The following DIAPH2 variants were observed in gnomAD, a reference collection of about 807,000 sequenced individuals.
The protein encoded by DIAPH2 is diaphanous related formin 2.
In DIAPH2, 35 loss-of-function variants were observed where a neutral mutation model predicts 92.7. The observed-to-expected ratio is 0.38, with a 90% CI of 0.29 to 0.50. The LOEUF (loss-of-function observed/expected upper bound fraction) is 0.50. Ranked by LOEUF, DIAPH2 falls within the 20% of genes least tolerant of loss-of-function variation. The pLI is 0.94. For synonymous variants in DIAPH2, 301 were observed against 280.4 expected (o/e 1.07, Z -0.73); for missense variants, 701 against 819.5 (o/e 0.86, Z 1.77).
chrX:96,935,100 A>T (rs1009394509), intron 10 of DIAPH2, among the ~76,000 whole-genome samples: 2 of 111,781 alleles, frequency 1.8e-5, no homozygotes, highest in African/African-American at 6.5e-5. Flanking sequence ...ATGTCTTTTT[A>T]AAAAATAACA....
intron 23 of DIAPH2, among the ~76,000 whole-genome samples, chrX:97,279,296 AT>A (rs1355598443): frequency 3.8e-5 from 4 of 105,397 alleles, no homozygotes; most frequent in African/African-American, 6.9e-5. Context: ...AGTCACTGAA[AT>A]TTTTTTTTGA....
rs1336973442 is a variant in DIAPH2 at position 96,939,955 on chromosome X, GC to G, written c.1325+576del. 2.3e-5 allele frequency among the ~76,000 whole-genome samples: 2 copies of G among 87,232 alleles called. 1 individual carries two copies. Among genetic ancestry groups the G allele is most frequent in the Non-Finnish European group, 4.3e-5 (2 of 47,042 alleles). The allele number at this position is 87,232 out of a possible 115,157, so 75.8% of individuals were successfully genotyped here. On this transcript the variant is annotated intron_variant, in intron 12 of 26. Coordinates refer to ENST00000324765, the MANE Select transcript of DIAPH2 (RefSeq NM_006729.5). ...TGGGATTACAGGCGTGAGCCACCGC[GC>G]CCGGCCCAGGTAACATTTTTTAAAA...
intron 26 of DIAPH2, among the ~76,000 whole-genome samples, chrX:97,589,336 AAAG>A (rs1488194603): frequency 2.7e-4 from 28 of 104,337 alleles, no homozygotes; most frequent in Non-Finnish European, 5.3e-4. Flanking sequence ...AAAAAAAAAA[AAAG>A]AGTCATCCCA....
chrX:96,944,114 A>G (rs2065723360), intron 13 of DIAPH2, among the ~76,000 whole-genome samples: 2 of 112,229 alleles, frequency 1.8e-5, no homozygotes, highest in Admixed American at 1.9e-4. Flanking sequence ...CTGTATTTCA[A>G]GATGACTTGG....
At chrX:97,578,327 C>A (rs1334733581) in intron 26 of DIAPH2, among the ~76,000 whole-genome samples, 4 of 107,246 alleles carry the variant, frequency 3.7e-5, no homozygotes, top group South Asian at 4.3e-4. Context: ...CCGCTCCCCC[C>A]ACCCCACAAC....
At chrX:96,853,952 T>C (rs991511717) in intron 4 of DIAPH2, among the ~76,000 whole-genome samples, 2 of 112,025 alleles carry the variant, frequency 1.8e-5, no homozygotes, top group African/African-American at 6.5e-5. Flanking sequence ...AAGATCTATA[T>C]ACTAGTTCTG....
chrX:96,831,500 CTG>C (rs918505170), intron 4 of DIAPH2, among the ~76,000 whole-genome samples: 1 of 111,892 alleles, frequency 8.9e-6, no homozygotes, highest in African/African-American at 3.3e-5. Context: ...TAAAAAAAAT[CTG>C]TGCAACTGTG....
chrX:97,186,986 T>C (rs1394353728), intron 22 of DIAPH2, among the ~76,000 whole-genome samples: 2 of 112,206 alleles, frequency 1.8e-5, no homozygotes, highest in African/African-American at 3.2e-5. Flanking sequence ...ACCACTCTCT[T>C]AATTCCTGTT....
At chrX:97,586,121 A>G (rs751108916) in intron 26 of DIAPH2, among the ~76,000 whole-genome samples, 1 of 111,267 alleles carries the variant, frequency 9.0e-6, no homozygotes, top group Non-Finnish European at 1.9e-5. Context: ...CTATTACCCA[A>G]ATCTCTCTCA....
chrX:96,839,246 G>T (rs2064919794), intron 4 of DIAPH2, among the ~76,000 whole-genome samples: 1 of 110,992 alleles, frequency 9.0e-6, no homozygotes, highest in African/African-American at 3.3e-5. Flanking sequence ...TTTTATTCAT[G>T]GTCAGAAAAT....
At chrX:96,717,209 T>A (rs1373432555) in intron 1 of DIAPH2, among the ~76,000 whole-genome samples, 6 of 112,116 alleles carry the variant, frequency 5.4e-5, no homozygotes, top group Non-Finnish European at 9.4e-5. Flanking sequence ...ACTTGAATAC[T>A]TTTACATTTA....
chrX:96,928,056 G>A (rs187464721), intron 9 of DIAPH2, among the ~76,000 whole-genome samples: 443 of 110,818 alleles, frequency 4.0e-3, no homozygotes, highest in African/African-American at 0.014. Context: ...CTTTTGTTGC[G>A]AGAATCTATA....
chrX:97,262,556 A>G (rs991966900), intron 23 of DIAPH2, among the ~76,000 whole-genome samples: 9 of 112,237 alleles, frequency 8.0e-5, no homozygotes, highest in Admixed American at 4.7e-4. Context: ...AGAGAATTGA[A>G]AAGAGATAAT....
intron 24 of DIAPH2, among the ~76,000 whole-genome samples, chrX:97,348,887 G>A (rs190793251): frequency 1.8e-5 from 2 of 109,273 alleles, no homozygotes; most frequent in African/African-American, 3.3e-5. Flanking sequence ...GGAAATACAC[G>A]TCCTCTGCAT....
chrX:97,362,012 G>A (rs1261502496), intron 24 of DIAPH2, among the ~76,000 whole-genome samples: 1 of 111,728 alleles, frequency 9.0e-6, no homozygotes, highest in East Asian at 2.8e-4. Flanking sequence ...AGGCCAAGGC[G>A]GGTGGATCAC....
chrX:96,988,195 C>T (rs1225653128), intron 17 of DIAPH2, among the ~76,000 whole-genome samples: 1 of 109,141 alleles, frequency 9.2e-6, no homozygotes, highest in Non-Finnish European at 1.9e-5. Flanking sequence ...AACTTAAAGT[C>T]TAACAGTAAA....
At chrX:96,870,126 C>A (rs2065130322) in intron 4 of DIAPH2, among the ~76,000 whole-genome samples, 1 of 111,555 alleles carries the variant, frequency 9.0e-6, no homozygotes, top group East Asian at 2.8e-4. Context: ...GACATGACTT[C>A]TCCGTGACTC....
intron 23 of DIAPH2, among the ~76,000 whole-genome samples, chrX:97,327,388 C>T (rs564730875): frequency 1.8e-5 from 2 of 109,429 alleles, no homozygotes; most frequent in Admixed American, 9.8e-5. Context: ...CATGAGCTAC[C>T]GCGCCCGGCC....
intron 17 of DIAPH2, among the ~76,000 whole-genome samples, chrX:96,979,514 A>G (rs2046214677): frequency 8.9e-6 from 1 of 112,334 alleles, no homozygotes; most frequent in Non-Finnish European, 1.9e-5. Context: ...ACACAGTTTA[A>G]TTTAACCAAT....
Sources: gnomAD v4.1 joint callset for allele counts (sites outside exome capture counted in the v4.1 genomes callset) on GRCh38, gnomAD v4.1.1 for gene constraint, MANE v1.5 for transcripts, NCBI Gene and HGNC (gene_info 2026-07-23, HGNC 2026-07-21) for gene names.